The following RC3H1 variants were observed in gnomAD, a reference collection of about 807,000 sequenced individuals.
The protein encoded by RC3H1 is roquin-1.
RC3H1 carries 50 observed loss-of-function variants against 138.2 expected under a neutral mutation model. That is an observed-to-expected ratio of 0.36 (90% CI 0.29 to 0.46). The LOEUF (loss-of-function observed/expected upper bound fraction) is 0.46, where lower values mean the gene tolerates loss of function less well. Among genes scored for constraint, RC3H1 ranks in the 20% least tolerant of loss-of-function variants. RC3H1 has a pLI of 1.00. For synonymous variants in RC3H1, 462 were observed against 489.1 expected (o/e 0.94, Z 0.73); for missense variants, 1,031 against 1,388.1 (o/e 0.74, Z 4.09).
chr1:174,000,479 C>T (rs372300961), intron 1 of RC3H1, among the ~76,000 whole-genome samples: 38 of 152,308 alleles, frequency 2.5e-4, no homozygotes, highest in African/African-American at 5.5e-4. Flanking sequence ...CATTAAGTAA[C>T]GGCCCCAAAT....
At chr1:174,020,158 T>C (rs1441334692) in intron 1 of RC3H1, among the ~76,000 whole-genome samples, 7 of 151,420 alleles carry the variant, frequency 4.6e-5, no homozygotes, top group Non-Finnish European at 1.0e-4. Context: ...AATCACAGAT[T>C]TGAGCACCTG....
At chr1:173,999,620 T>C (rs1449415186) in intron 1 of RC3H1, among the ~76,000 whole-genome samples, 1 of 152,232 alleles carries the variant, frequency 6.6e-6, no homozygotes, top group African/African-American at 2.4e-5. Flanking sequence ...AAAATTGTGA[T>C]GACATGATGC....
chr1:173,939,048 G>A (rs1286822159), intron 19 of RC3H1, among the ~76,000 whole-genome samples, 177 bp from the exon 20 acceptor site: 2 of 151,746 alleles, frequency 1.3e-5, no homozygotes, highest in Non-Finnish European at 2.9e-5. Flanking sequence ...AGCCAGGTGC[G>A]TATTTTTTTT....
intron 19 of RC3H1, among the ~76,000 whole-genome samples, chr1:173,939,269 A>T (rs898787209): frequency 5.9e-5 from 9 of 152,012 alleles, no homozygotes; most frequent in Admixed American, 5.9e-4. Flanking sequence ...AATAATTTTG[A>T]GCTCATGCCT....
rs1660790419 is a variant in RC3H1 at position 173,981,023 on chromosome 1, A to T, written c.769-14T>A. ...ACGTTTGGTGACCTAATAAGACACA[A>T]ATAATCTCATAATGAAGTCAAAAAA... On this transcript the variant is annotated splice_polypyrimidine_tract_variant and intron_variant, in intron 5 of 19. Transcript: ENST00000367696. 3 of 1,608,244 alleles carry T rather than the reference A, an allele frequency of 1.9e-6. No homozygotes were observed. The East Asian group carries it at 6.7e-5, about 36-fold the overall frequency.
At chr1:174,000,728 G>T (rs1182792330) in intron 1 of RC3H1, among the ~76,000 whole-genome samples, 1 of 152,130 alleles carries the variant, frequency 6.6e-6, no homozygotes, top group Non-Finnish European at 1.5e-5. Flanking sequence ...TCAGAGAAGA[G>T]AAAATGTTTC....
At chr1:173,943,404 A>C in intron 18 of RC3H1, 38 bp downstream of exon 18, 8 of 1,517,208 alleles carry the variant, frequency 5.3e-6, no homozygotes, top group Non-Finnish European at 7.2e-6. Flanking sequence ...GAAAGATTTC[A>C]TTTCACCTTC....
chr1:173,957,376 TCA>T, intron 13 of RC3H1, among the ~76,000 whole-genome samples: 1 of 152,184 alleles, frequency 6.6e-6, no homozygotes, highest in Non-Finnish European at 1.5e-5. Flanking sequence ...TTTAAAAAGA[TCA>T]CACAGTGAAG....
intron 8 of RC3H1, among the ~76,000 whole-genome samples, chr1:173,971,653 C>G (rs1483811811): frequency 2.6e-5 from 4 of 152,106 alleles, no homozygotes; most frequent in Non-Finnish European, 4.4e-5. Flanking sequence ...TTATTTTCTT[C>G]AAGATGTCTA....
At chr1:173,952,318 T>C (rs1659440990) in intron 13 of RC3H1, among the ~76,000 whole-genome samples, 180 bp from the exon 14 acceptor site, 1 of 144,758 alleles carries the variant, frequency 6.9e-6, no homozygotes, top group Non-Finnish European at 1.5e-5. Flanking sequence ...TGTAAACTAC[T>C]ATGAAAAATA....
In RC3H1 at chr1:173,932,057, G is replaced by A. The variant is rs1425041168; in HGVS notation, c.*6664C>T. On this transcript the variant is annotated 3_prime_UTR_variant, in exon 20 of 20. Coordinates refer to ENST00000367696, the MANE Select transcript of RC3H1 (RefSeq NM_172071.4). ...AGGAGTATAAATTCTATCCAAAAGT[G>A]TAAGTGATTTCACTTACAACCTGAC... 4 of 151,990 alleles carry A rather than the reference G, an allele frequency of 2.6e-5. No individual in the cohort carries two copies. Among genetic ancestry groups the A allele is most frequent in the South Asian group, 2.1e-4 (1 of 4,824 alleles). 9.4% of individuals were successfully genotyped at this position (151,990 alleles called of 1,614,324 possible). A position where few individuals can be genotyped will look rare whatever the true frequency, so the allele number is the denominator to read the frequency against.
intron 13 of RC3H1, among the ~76,000 whole-genome samples, chr1:173,956,667 T>TAAAA (rs75866304): frequency 7.3e-4 from 62 of 84,784 alleles, no homozygotes; most frequent in South Asian, 1.8e-3. Context: ...CTCAAAAAAT[T>TAAAA]AAAAAAAAAA....
chr1:173,974,573 G>C (rs1660495969), intron 7 of RC3H1, among the ~76,000 whole-genome samples: 1 of 152,144 alleles, frequency 6.6e-6, no homozygotes, highest in East Asian at 1.9e-4. Flanking sequence ...ATCCAAGTTA[G>C]AGGGAAGAAT....
At position 173,998,194 on chromosome 1, in the gene RC3H1, T is replaced by C. The variant is rs1027132725; in HGVS notation, c.-150-5059A>G. The stretch of plus-strand genomic sequence containing the variant: ...AAATAATTCTACTAATCAAAGCACA[T>C]GCATTCAAGGCCTGCAGATAAACTG... On this transcript the variant is annotated intron_variant, in intron 1 of 19. Transcript: ENST00000367696. Among the ~76,000 whole-genome samples, 19 of 152,270 alleles carry C rather than the reference T, an allele frequency of 1.2e-4. No homozygotes were observed. The South Asian group carries it at 1.4e-3, about 12-fold the overall frequency.
chr1:173,990,925 T>C (rs1361795616), intron 2 of RC3H1, among the ~76,000 whole-genome samples: 1 of 152,198 alleles, frequency 6.6e-6, no homozygotes, highest in Admixed American at 6.5e-5. Context: ...ATTAACATAC[T>C]GTGGATGAAA....
chr1:173,949,422 G>A (rs564766380), intron 14 of RC3H1, among the ~76,000 whole-genome samples: 12 of 151,178 alleles, frequency 7.9e-5, no homozygotes, highest in Admixed American at 1.3e-4. Flanking sequence ...AGGCTGGAGT[G>A]CAGTGGCGCA....
chr1:174,007,753 C>T (rs1342163489), intron 1 of RC3H1, among the ~76,000 whole-genome samples: 2 of 152,112 alleles, frequency 1.3e-5, no homozygotes, highest in Admixed American at 1.3e-4. Flanking sequence ...CCACCGCGTC[C>T]GGCCCACACA....
At chr1:173,966,124 A>G (rs1660105674) in intron 9 of RC3H1, among the ~76,000 whole-genome samples, 1 of 152,174 alleles carries the variant, frequency 6.6e-6, no homozygotes. Context: ...TGGGCAACAC[A>G]GTGAGACCCT....
rs1404369037 is a variant in RC3H1, at chr1:173,935,187, G to A, written c.*3534C>T. On this transcript the variant is annotated 3_prime_UTR_variant, in exon 20 of 20. Coordinates refer to ENST00000367696, the MANE Select transcript of RC3H1 (RefSeq NM_172071.4). Reference sequence around the variant, plus strand: ...TCTTTGGTCACTTCAGCCTCTGTACGTTATCTAAGACAGGACAGTTACTGG... The same window carrying A: ...TCTTTGGTCACTTCAGCCTCTGTACATTATCTAAGACAGGACAGTTACTGG... 5.9e-5 allele frequency: 9 copies of A among 152,018 alleles called. No homozygotes were observed. Among genetic ancestry groups the A allele is most frequent in the East Asian group, 1.9e-4 (1 of 5,200 alleles). The allele number at this position is 152,018 out of a possible 1,614,324, so 9.4% of individuals were successfully genotyped here. A position where few individuals can be genotyped will look rare whatever the true frequency, so the allele number is the denominator to read the frequency against.
Sources: gnomAD v4.1 joint callset for allele counts (sites outside exome capture counted in the v4.1 genomes callset) on GRCh38, gnomAD v4.1.1 for gene constraint, MANE v1.5 for transcripts, NCBI Gene and HGNC (gene_info 2026-07-23, HGNC 2026-07-21) for gene names.